UTP6: variants seen among roughly 807,000 people sequenced by gnomAD.
UTP6 encodes the protein UTP6 small subunit processome component.
In UTP6, 60 loss-of-function variants were observed where a neutral mutation model predicts 96.5. The observed-to-expected ratio is 0.62, with a 90% CI of 0.51 to 0.77. The LOEUF (loss-of-function observed/expected upper bound fraction) is 0.77, where lower values mean the gene tolerates loss of function less well. UTP6 is among the 30% of genes least tolerant of loss of function. The pLI, the probability that UTP6 is intolerant of heterozygous loss-of-function variation, is 0.00. For synonymous variants in UTP6, 215 were observed against 240.1 expected (o/e 0.90, Z 0.96); for missense variants, 637 against 706.5 (o/e 0.90, Z 1.12).
Position 31,901,707 on chromosome 17 carries a change from A to C in UTP6, c.-80T>G. ...GAAGCTCCCGGTTTCAGGTTCGGAG[A>C]CCCAGCCCTACCACCGACGCGTCCG... is the stretch of plus-strand genomic sequence containing the variant. On this transcript the variant is annotated 5_prime_UTR_variant, in exon 1 of 19. Transcript: ENST00000261708. The C allele has an allele frequency of 3.0e-6, 4 of 1,342,666 alleles. No homozygotes were observed. Among genetic ancestry groups the C allele is most frequent in the Non-Finnish European group, 4.2e-6 (4 of 946,094 alleles). The allele number at this position is 1,342,666 out of a possible 1,614,324, so 83.2% of individuals were successfully genotyped here. A position where few individuals can be genotyped will look rare whatever the true frequency, so the allele number is the denominator to read the frequency against.
At position 31,878,250 on chromosome 17, in the gene UTP6, C is replaced by G. The variant is rs760575975; in HGVS notation, c.1125G>C (p.Leu375Phe). 6.2e-7 allele frequency: 1 copy of G among 1,613,888 alleles called. No individual in the cohort carries two copies. The highest frequency in any genetic ancestry group is 8.5e-7 in the Non-Finnish European group (1 of 1,179,854). The change falls in exon 13 of 19, where the codon TTG becomes TTC. Residue 375 changes from leucine (L) to phenylalanine (F), a missense_variant and splice_region_variant. Physicochemically the swap from Leu to Phe is conservative, Grantham distance 22. Transcript: ENST00000261708. ...CAGAATATTTTCTCTATGTTCTTAC[C>G]AACTGCTTGTATTGGCATTCTGACA... Reference protein sequence around the residue: ...KLLSECQYKQLSVSLLCYNFL... With the variant: ...KLLSECQYKQFSVSLLCYNFL...
In UTP6 at chr17:31,883,406, C is replaced by A. The variant is rs541188319; in HGVS notation, c.785+1018G>T. Reference sequence around the variant, plus strand: ...TCTTGGCTCACTGCAACCTCCACCTCCCGGCTTCAAGTGATTCTCCTGCCT... The same window carrying A: ...TCTTGGCTCACTGCAACCTCCACCTACCGGCTTCAAGTGATTCTCCTGCCT... On this transcript the variant is annotated intron_variant, in intron 10 of 18. Coordinates refer to ENST00000261708, the MANE Select transcript of UTP6 (RefSeq NM_018428.3). Among the ~76,000 whole-genome samples the A allele has an allele frequency of 1.6e-4, 24 of 151,194 alleles. No individual in the cohort carries two copies. In the East Asian group the frequency reaches 4.3e-3, roughly 27 times the overall value.
intron 18 of UTP6, among the ~76,000 whole-genome samples, chr17:31,863,907 C>T (rs528959889): frequency 2.0e-5 from 3 of 152,200 alleles, no homozygotes; most frequent in African/African-American, 7.2e-5. Flanking sequence ...CACTATATTG[C>T]CCAGGCTAGT....
rs1452720439 is a variant in UTP6, at chr17:31,878,688, T to C, written c.1047+14A>G. 3.1e-6 allele frequency: 5 copies of C among 1,612,192 alleles called. No individual in the cohort carries two copies. Among genetic ancestry groups the C allele is most frequent in the African/African-American group, 1.3e-5 (1 of 74,886 alleles). On this transcript the variant is annotated intron_variant, in intron 12 of 18. Coordinates refer to ENST00000261708, the MANE Select transcript of UTP6 (RefSeq NM_018428.3). Reference sequence around the variant, plus strand: ...ACTATCTAGTCAACCACTGTAACCATGTAACAACCTCACCTTCCCTCTAAG... The same window carrying C: ...ACTATCTAGTCAACCACTGTAACCACGTAACAACCTCACCTTCCCTCTAAG...
In UTP6 at chr17:31,889,309, T is replaced by C. The variant is rs554712042; in HGVS notation, c.519A>G (p.Pro173=). 3.1e-6 allele frequency: 5 copies of C among 1,613,470 alleles called. No homozygotes were observed. Among genetic ancestry groups the C allele is most frequent in the East Asian group, 2.2e-5 (1 of 44,858 alleles). The change falls in exon 7 of 19, where the codon CCA becomes CCG. Residue 173 remains proline (P), a synonymous_variant. Transcript: ENST00000261708. ...CTTCTTTATAAAGTTTTGGGCACTCTGGATGAAAGCGCAGTGCGCGAAGAA... is the reference window on the plus strand; with the variant it reads ...CTTCTTTATAAAGTTTTGGGCACTCCGGATGAAAGCGCAGTGCGCGAAGAA... ...QLFLRALRFH[P]ECPKLYKEYF...
At chr17:31,883,356 C>T (rs1232045055) in intron 10 of UTP6, among the ~76,000 whole-genome samples, 13 of 133,426 alleles carry the variant, frequency 9.7e-5, no homozygotes, top group Admixed American at 5.6e-4. Flanking sequence ...GCTCTTGTTT[C>T]CCAGGCTGGA....
intron 2 of UTP6, among the ~76,000 whole-genome samples, chr17:31,896,071 G>GT (rs1042958076): frequency 2.0e-4 from 30 of 149,538 alleles, no homozygotes; most frequent in South Asian, 2.1e-4. Context: ...CCTACACCTG[G>GT]TTTTTTTTTA....
In UTP6 at chr17:31,863,136, T is replaced by C; in HGVS notation, c.*223A>G. 1 of 504,038 alleles carries C rather than the reference T, an allele frequency of 2.0e-6. No homozygotes were observed. The highest frequency in any genetic ancestry group is 1.9e-5 in the African/African-American group (1 of 51,944). 31.2% of individuals were successfully genotyped at this position (504,038 alleles called of 1,614,324 possible). Reference sequence around the variant, plus strand: ...TGAGAAGGTCACTTGAGTCCAGGAGTTCAAGACCAGCCAGGGCAACAGAGC... The same window carrying C: ...TGAGAAGGTCACTTGAGTCCAGGAGCTCAAGACCAGCCAGGGCAACAGAGC... On this transcript the variant is annotated 3_prime_UTR_variant, in exon 19 of 19. Coordinates refer to ENST00000261708, the MANE Select transcript of UTP6 (RefSeq NM_018428.3).
rs989733718 is a variant in UTP6 at position 31,874,863 on chromosome 17, C to T, written c.1305+371G>A. ...AGGAGAATTGCCTGAACCCGGGAGG[C>T]AGAGATTGCAGTGAGCTGAGATCAC... On this transcript the variant is annotated intron_variant, in intron 14 of 18. Transcript: ENST00000261708. Among the ~76,000 whole-genome samples, 4 of 146,852 alleles carry T rather than the reference C, an allele frequency of 2.7e-5. No individual in the cohort carries two copies. In the Admixed American group the frequency reaches 2.8e-4, roughly 10 times the overall value.
chr17:31,900,222 A>G (rs1904892287), intron 1 of UTP6, among the ~76,000 whole-genome samples: 2 of 152,198 alleles, frequency 1.3e-5, no homozygotes, highest in Admixed American at 1.3e-4. Context: ...AAATCATCTT[A>G]ATCAACTCCC....
At chr17:31,885,251 T>G (rs1210893362) in intron 9 of UTP6, among the ~76,000 whole-genome samples, 1 of 151,748 alleles carries the variant, frequency 6.6e-6, no homozygotes, top group Non-Finnish European at 1.5e-5. Context: ...TTCAAGCAAT[T>G]CTCCTGCCTC....
At chr17:31,873,129 C>G (rs931193064) in intron 16 of UTP6, 8 of 355,882 alleles carry the variant, frequency 2.2e-5, no homozygotes, top group South Asian at 3.7e-5. Context: ...TGGCAGGTGC[C>G]TGTAATCCTA....
At chr17:31,883,894 CCT>C (rs35896827) in intron 10 of UTP6, among the ~76,000 whole-genome samples, 116,056 of 151,564 alleles carry the variant, frequency 0.77, 44,783 homozygotes, top group East Asian at 0.84. Context: ...GTCTCAAACC[CCT>C]GAGCTCAAGG....
At chr17:31,888,200 A>G (rs778167562) in intron 7 of UTP6, 2 of 152,050 alleles carry the variant, frequency 1.3e-5, no homozygotes, top group Non-Finnish European at 1.5e-5. Context: ...TGGAGAAAAG[A>G]GGAAGACAAG....
intron 12 of UTP6, 122 bp downstream of exon 12, chr17:31,878,580 G>T: frequency 1.0e-6 from 1 of 980,924 alleles, no homozygotes; most frequent in Non-Finnish European, 1.6e-6. Context: ...CACAAGGAGA[G>T]AGAGAGTGGC....
intron 10 of UTP6, among the ~76,000 whole-genome samples, chr17:31,882,854 C>T (rs1598107622): frequency 6.6e-6 from 1 of 151,984 alleles, no homozygotes; most frequent in East Asian, 1.9e-4. Flanking sequence ...GATGCAATAA[C>T]AGCTCACGGC....
chr17:31,880,631 G>T lies in UTP6; in HGVS notation c.909C>A (p.Gly303=), dbSNP rs1180568460. ...TTKQAKAVEV[G]RKEERCCAVY... ...CAGCACAGCACCTCTCCTCCTTCCG[G>T]CCGACCTCCACTGCTTTGGCTTGTT... The change falls in exon 11 of 19, where the codon GGC becomes GGA. Residue 303 remains glycine, a synonymous_variant. Transcript: ENST00000261708. 2 of 1,613,874 alleles carry T rather than the reference G, an allele frequency of 1.2e-6. No homozygotes were observed. The highest frequency in any genetic ancestry group is 1.7e-6 in the Non-Finnish European group (2 of 1,180,016).
chr17:31,872,852 C>A (rs1183322235), intron 16 of UTP6, among the ~76,000 whole-genome samples: 1 of 145,406 alleles, frequency 6.9e-6, no homozygotes, highest in Non-Finnish European at 1.5e-5. Context: ...ACAAAATTAG[C>A]CGGGCGTGGT....
chr17:31,882,882 C>G (rs1309728876), intron 10 of UTP6, among the ~76,000 whole-genome samples: 1 of 152,044 alleles, frequency 6.6e-6, no homozygotes, highest in Non-Finnish European at 1.5e-5. Context: ...ACCTCACAGG[C>G]TCAAGGGATC....
Sources: allele counts gnomAD v4.1 joint callset (sites outside exome capture counted in the v4.1 genomes callset), GRCh38; gene constraint gnomAD v4.1.1; transcripts MANE v1.5; gene names NCBI Gene and HGNC (gene_info 2026-07-23, HGNC 2026-07-21).